TBKBP1: variants seen among roughly 807,000 people sequenced by gnomAD.
TBKBP1 encodes TANK-binding kinase 1-binding protein 1.
TBKBP1 carries 47 observed loss-of-function variants against 69.9 expected under a neutral mutation model. That is an observed-to-expected ratio of 0.67 (90% CI 0.53 to 0.86). TBKBP1 has a LOEUF of 0.86. TBKBP1 is among the 40% of genes least tolerant of loss of function. The pLI, the probability that TBKBP1 is intolerant of heterozygous loss-of-function variation, is 0.00. For missense variants in TBKBP1, 831 were observed against 858.6 expected, an observed-to-expected ratio of 0.97 and a Z score of 0.40; for synonymous variants, 418 against 390.3, an observed-to-expected ratio of 1.07 and a Z score of -0.84.
rs373991355 is a variant in TBKBP1 at position 47,696,133 on chromosome 17, C to T, written c.21C>T (p.Asp7=). The change falls in exon 2 of 10, where the codon GAC becomes GAT. Residue 7 remains aspartate (D), a synonymous_variant. Transcript: ENST00000578982. ...TCACCATGGAGTCCATGTTCGAGGA[C>T]GACATCAGCATCCTGACGCAGGAGG... MESMFE[D]DISILTQEAL... 50 of 1,612,066 alleles carry T rather than the reference C, an allele frequency of 3.1e-5. No individual in the cohort carries two copies. The African/African-American group carries it at 5.7e-4, about 18-fold the overall frequency.
rs1438130929 is a variant in TBKBP1 at position 47,696,179 on chromosome 17, T to A, written c.67T>A (p.Trp23Arg). 1 of 1,613,602 alleles carries A rather than the reference T, an allele frequency of 6.2e-7. No individual in the cohort carries two copies. Among genetic ancestry groups the A allele is most frequent in the Non-Finnish European group, 8.5e-7 (1 of 1,179,828 alleles). Reference protein sequence around the residue: ...TQEALGPSEVWLDSPGDPSLG... With the variant: ...TQEALGPSEVRLDSPGDPSLG... The stretch of plus-strand genomic sequence containing the variant: ...GGAGGCCCTGGGGCCTAGTGAGGTG[T>A]GGCTGGACAGTCCCGGAGACCCCTC... The change falls in exon 2 of 10, where the codon TGG becomes AGG. Residue 23 changes from tryptophan to arginine, a missense_variant. Physicochemically the swap from Trp to Arg is moderately radical, Grantham distance 101. Coordinates refer to ENST00000578982, the MANE Select transcript of TBKBP1 (RefSeq NM_001394755.1).
chr17:47,703,774 G>T (rs565280651), intron 7 of TBKBP1, among the ~76,000 whole-genome samples: 1 of 150,494 alleles, frequency 6.6e-6, no homozygotes, highest in Admixed American at 6.6e-5. Context: ...CAGACACTAT[G>T]CGAGGTGATT....
In TBKBP1 at chr17:47,696,321, A is replaced by G. The variant is rs773927248; in HGVS notation, c.209A>G (p.Lys70Arg). The G allele has an allele frequency of 7.4e-6, 12 of 1,613,042 alleles. No homozygotes were observed. The South Asian group carries it at 8.8e-5, about 12-fold the overall frequency. The change falls in exon 2 of 10, where the codon AAA becomes AGA. Residue 70 changes from lysine (K) to arginine (R), a missense_variant. Physicochemically the swap from Lys to Arg is conservative, Grantham distance 26. Coordinates refer to ENST00000578982, the MANE Select transcript of TBKBP1 (RefSeq NM_001394755.1). Reference protein sequence around the residue: ...RENATLRRRLKVYEIKYPLIS... With the variant: ...RENATLRRRLRVYEIKYPLIS... ...AACGCCACCCTCCGACGCCGCCTCAAAGTCTACGAGATCAAGGTCAGAACT... is the reference window on the plus strand; with the variant it reads ...AACGCCACCCTCCGACGCCGCCTCAGAGTCTACGAGATCAAGGTCAGAACT...
intron 7 of TBKBP1, among the ~76,000 whole-genome samples, chr17:47,700,930 T>C (rs2031476629): frequency 6.6e-6 from 1 of 152,126 alleles, no homozygotes; most frequent in South Asian, 2.1e-4. Context: ...TCCCACTTTC[T>C]GAGAAATAGA....
chr17:47,708,908 C>A lies in TBKBP1; in HGVS notation c.1175C>A (p.Pro392Gln). The part of the protein sequence containing the change: ...QRRSPASPSC[P>Q]SPVPQRRSPV... ...CGCTCTCCGGCCTCACCCTCCTGCC[C>A]GTCGCCCGTCCCGCAGCGCCGCTCG... Residue 392 changes from proline (P) to glutamine (Q), a missense_variant, in exon 9 of 10, where the codon CCG becomes CAG. Pro to Gln is a moderately conservative substitution (Grantham distance 76, BLOSUM62 -1). Transcript: ENST00000578982. This position sits in a 1 kb window ranked among gnomAD's most constrained non-coding sequence, Gnocchi z 4.4. 7.3e-7 allele frequency: 1 copy of A among 1,375,448 alleles called. No individual in the cohort carries two copies. The highest frequency in any genetic ancestry group is 3.0e-5 in the Admixed American group (1 of 33,180). The allele number at this position is 1,375,448 out of a possible 1,614,324, so 85.2% of individuals were successfully genotyped here.
intron 9 of TBKBP1, 148 bp from the exon 10 acceptor site, chr17:47,710,348 TGG>T (rs2031879773): frequency 9.8e-7 from 1 of 1,024,604 alleles, no homozygotes; most frequent in Admixed American, 2.7e-5. Flanking sequence ...TGAGCTGGTG[TGG>T]GGGAGGACGG....
chr17:47,699,979 T>C (rs1264669855), intron 7 of TBKBP1, among the ~76,000 whole-genome samples: 1 of 150,802 alleles, frequency 6.6e-6, no homozygotes, highest in African/African-American at 2.4e-5. Flanking sequence ...TGCACCACCA[T>C]GCCTAGCTAA....
chr17:47,709,387 C>G lies in TBKBP1; in HGVS notation c.1654C>G (p.Pro552Ala). The G allele has an allele frequency of 6.5e-7, 1 of 1,532,732 alleles. No individual in the cohort carries two copies. The highest frequency in any genetic ancestry group is 1.2e-5 in the South Asian group (1 of 83,704). 94.9% of individuals were successfully genotyped at this position (1,532,732 alleles called of 1,614,324 possible). A position where few individuals can be genotyped will look rare whatever the true frequency, so the allele number is the denominator to read the frequency against. The change falls in exon 9 of 10, where the codon CCC becomes GCC. Residue 552 changes from proline to alanine, a missense_variant. Coordinates refer to ENST00000578982, the MANE Select transcript of TBKBP1 (RefSeq NM_001394755.1). ...CTCCTTCTGCGCGGGCTTCCCCATC[C>G]CCGAGTCGCCCGCCGCCACCGCCTA... ...CASFCAGFPI[P>A]ESPAATAYAH...
intron 4 of TBKBP1, 59 bp from the exon 5 acceptor site, chr17:47,698,536 C>T: frequency 6.7e-7 from 1 of 1,493,934 alleles, no homozygotes; most frequent in Non-Finnish European, 9.0e-7. Context: ...GGTGATGACT[C>T]TCCAGACATG....
intron 7 of TBKBP1, among the ~76,000 whole-genome samples, chr17:47,706,402 T>C (rs1273392856): frequency 6.6e-6 from 1 of 152,138 alleles, no homozygotes; most frequent in African/African-American, 2.4e-5. Flanking sequence ...CCCAGTCTGA[T>C]GGGGGAGATG....
Position 47,709,369 on chromosome 17 carries a change from T to C in TBKBP1, c.1636T>C (p.Cys546Arg). ...GGGCACCATCCGCTGCGCCTCCTTC[T>C]GCGCGGGCTTCCCCATCCCCGAGTC... ...EVGTIRCASF[C>R]AGFPIPESPA... Residue 546 changes from cysteine to arginine, a missense_variant, in exon 9 of 10, where the codon TGC becomes CGC. Coordinates refer to ENST00000578982, the MANE Select transcript of TBKBP1 (RefSeq NM_001394755.1). 1 of 1,528,646 alleles carries C rather than the reference T, an allele frequency of 6.5e-7. No individual in the cohort carries two copies. The highest frequency in any genetic ancestry group is 8.7e-7 in the Non-Finnish European group (1 of 1,144,610). The allele number at this position is 1,528,646 out of a possible 1,614,324, so 94.7% of individuals were successfully genotyped here. A position where few individuals can be genotyped will look rare whatever the true frequency, so the allele number is the denominator to read the frequency against.
intron 4 of TBKBP1, among the ~76,000 whole-genome samples, chr17:47,697,589 A>C (rs1025725011): frequency 9.2e-5 from 14 of 151,990 alleles, no homozygotes; most frequent in African/African-American, 3.4e-4. Context: ...GGCAGAGGTG[A>C]CCAGGAGTGT....
At chr17:47,694,587 C>G (rs1411435253) in intron 1 of TBKBP1, 1 of 152,242 alleles carries the variant, frequency 6.6e-6, no homozygotes, top group Non-Finnish European at 1.5e-5. Context: ...GGCACTCACC[C>G]CTTCCCCAGC....
chr17:47,699,260 T>C, intron 5 of TBKBP1, 60 bp from the exon 6 acceptor site: 1 of 1,437,672 alleles, frequency 7.0e-7, no homozygotes, highest in East Asian at 2.5e-5. Flanking sequence ...TGTTTCACTC[T>C]GGCTCTGGGA....
chr17:47,707,928 T>A (rs2031752679), intron 7 of TBKBP1, among the ~76,000 whole-genome samples: 1 of 152,230 alleles, frequency 6.6e-6, no homozygotes. Context: ...TTATAACACT[T>A]TTAGTATGCA....
chr17:47,699,811 AGGAGGT>A (rs2143283085), intron 7 of TBKBP1, 114 bp downstream of exon 7: 1 of 1,196,386 alleles, frequency 8.4e-7, no homozygotes, highest in East Asian at 2.4e-5. Context: ...CTTCATAGGA[AGGAGGT>A]GGGGTTCTTT....
At chr17:47,694,668 G>T (rs1010017769) in intron 1 of TBKBP1, 1 of 152,280 alleles carries the variant, frequency 6.6e-6, no homozygotes, top group African/African-American at 2.4e-5. Context: ...TTTGTGGTGC[G>T]GCCTCGGGGA....
chr17:47,702,213 T>G (rs1337384925), intron 7 of TBKBP1, among the ~76,000 whole-genome samples: 2 of 152,130 alleles, frequency 1.3e-5, no homozygotes, highest in Non-Finnish European at 2.9e-5. Context: ...CTAGTGCCCC[T>G]CTTTCTTCTG....
chr17:47,696,769 A>T lies in TBKBP1; in HGVS notation c.284A>T (p.Asp95Val), dbSNP rs1238682365. The T allele has an allele frequency of 1.2e-6, 2 of 1,613,972 alleles. No individual in the cohort carries two copies. Among genetic ancestry groups the T allele is most frequent in the Non-Finnish European group, 8.5e-7 (1 of 1,179,866 alleles). ...GGCTTTTCTCTGTATGAAATCAAGG[A>T]TGGCTCCCTGCTGGAGGTGGAGAAG... ...EHGFSLYEIK[D>V]GSLLEVEKVS... The change falls in exon 3 of 10, where the codon GAT becomes GTT. Residue 95 changes from aspartate to valine, a missense_variant. Physicochemically the swap from Asp to Val is radical, Grantham distance 152 (BLOSUM62 -3). Coordinates refer to ENST00000578982, the MANE Select transcript of TBKBP1 (RefSeq NM_001394755.1).
Sources: allele counts gnomAD v4.1 joint callset (sites outside exome capture counted in the v4.1 genomes callset), GRCh38; gene constraint gnomAD v4.1.1; non-coding constraint Gnocchi (gnomAD v3.1); transcripts MANE v1.5; gene names NCBI Gene and HGNC (gene_info 2026-07-23, HGNC 2026-07-21).